Variants in OR7C1 observed in about 807,000 individuals in gnomAD.
The protein encoded by OR7C1 is olfactory receptor family 7 subfamily C member 1, also known as olfactory receptor 7C1.
For missense variants in OR7C1, 324 were observed against 383.3 expected, an observed-to-expected ratio of 0.85 and a Z score of 1.29; for synonymous variants, 152 against 160.7, an observed-to-expected ratio of 0.95 and a Z score of 0.41.
intron 1 of OR7C1, among the ~76,000 whole-genome samples, chr19:14,814,430 A>ATT (rs60783847): frequency 4.0e-5 from 6 of 150,112 alleles, no homozygotes; most frequent in African/African-American, 9.8e-5. Context: ...TTATTTATGT[A>ATT]TTTTTTTTTT....
exon 5 of OR7C1, chr19:14,799,023 C>T: frequency 1.1e-6 from 1 of 914,224 alleles, no homozygotes; most frequent in Non-Finnish European, 1.5e-6. Context: ...GACTCTGTGG[C>T]CCTCCCTATC....
At chr19:14,803,891 A>G (rs1321156948) in intron 2 of OR7C1, among the ~76,000 whole-genome samples, 1 of 151,876 alleles carries the variant, frequency 6.6e-6, no homozygotes, top group East Asian at 1.9e-4. Context: ...TTGTATTTTT[A>G]GTAGAGACGG....
At chr19:14,822,737 G>T (rs543093015) in intron 1 of OR7C1, among the ~76,000 whole-genome samples, 22 of 151,898 alleles carry the variant, frequency 1.4e-4, no homozygotes, top group Non-Finnish European at 3.1e-4. Flanking sequence ...TCTCATTGTG[G>T]TTATAATGTA....
At chr19:14,812,801 T>C (rs184810572) in intron 1 of OR7C1, among the ~76,000 whole-genome samples, 1 of 152,042 alleles carries the variant, frequency 6.6e-6, no homozygotes, top group East Asian at 1.9e-4. Context: ...TGGTGGCTCA[T>C]ACCTGTAATC....
At chr19:14,815,188 C>G (rs1319596836) in intron 1 of OR7C1, among the ~76,000 whole-genome samples, 1 of 152,194 alleles carries the variant, frequency 6.6e-6, no homozygotes, top group Admixed American at 6.5e-5. Flanking sequence ...GGGCAACTTT[C>G]TCCTGATAAG....
At chr19:14,812,830 G>A (rs756701771) in intron 1 of OR7C1, among the ~76,000 whole-genome samples, 6 of 151,994 alleles carry the variant, frequency 3.9e-5, no homozygotes, top group Non-Finnish European at 8.8e-5. Flanking sequence ...TTGGGAGGCC[G>A]AGGCGGGTGG....
intron 1 of OR7C1, among the ~76,000 whole-genome samples, chr19:14,822,944 T>C (rs2044748139): frequency 6.6e-6 from 1 of 152,150 alleles, no homozygotes. Context: ...TTGCAAATGT[T>C]TTCTCTCCTT....
chr19:14,815,106 C>T, intron 1 of OR7C1, among the ~76,000 whole-genome samples: 1 of 152,166 alleles, frequency 6.6e-6, no homozygotes, highest in Admixed American at 6.5e-5. Context: ...GCAGCTCCAC[C>T]AGATACTAAC....
intron 1 of OR7C1, among the ~76,000 whole-genome samples, 156 bp downstream of exon 1, chr19:14,834,918 C>T (rs2044870208): frequency 6.6e-6 from 1 of 152,218 alleles, no homozygotes; most frequent in South Asian, 2.1e-4. Context: ...TAAAACGAGA[C>T]ATTACTTAGT....
chr19:14,800,310 G>C (rs1296308265), exon 4 of OR7C1: 1 of 687,586 alleles, frequency 1.5e-6, no homozygotes, highest in African/African-American at 1.8e-5. Flanking sequence ...CCTTTTCTTT[G>C]CTACCATCGG....
chr19:14,814,719 C>T (rs1397082342), intron 1 of OR7C1, among the ~76,000 whole-genome samples: 1 of 152,194 alleles, frequency 6.6e-6, no homozygotes, highest in Non-Finnish European at 1.5e-5. Flanking sequence ...GCCACCATGC[C>T]TGGCCGGGAA....
At chr19:14,816,744 A>T (rs1236415466) in intron 1 of OR7C1, among the ~76,000 whole-genome samples, 1 of 152,192 alleles carries the variant, frequency 6.6e-6, no homozygotes, top group Non-Finnish European at 1.5e-5. Context: ...TCATATATAT[A>T]TCTATCCTAT....
intron 1 of OR7C1, among the ~76,000 whole-genome samples, chr19:14,830,249 C>A (rs1033292016): frequency 2.0e-5 from 3 of 152,186 alleles, no homozygotes; most frequent in African/African-American, 7.2e-5. Flanking sequence ...TCTGTATACA[C>A]ATGTAAACTT....
chr19:14,825,823 C>T (rs111857030), intron 1 of OR7C1: 12 of 152,576 alleles, frequency 7.9e-5, no homozygotes, highest in African/African-American at 2.9e-4. Flanking sequence ...CGTAGACTCC[C>T]TATGAGACAA....
intron 2 of OR7C1, among the ~76,000 whole-genome samples, 159 bp from the exon 3 acceptor site, chr19:14,800,923 G>T (rs1599911149): frequency 1.3e-5 from 2 of 152,194 alleles, no homozygotes. Flanking sequence ...TTCACCACCA[G>T]CCTGTCCTTT....
At chr19:14,831,181 AC>A (rs2044828557) in intron 1 of OR7C1, among the ~76,000 whole-genome samples, 1 of 152,164 alleles carries the variant, frequency 6.6e-6, no homozygotes, top group Non-Finnish European at 1.5e-5. Context: ...AACTAATGAT[AC>A]CTTTTTTGGC....
intron 1 of OR7C1, chr19:14,827,749 G>T: frequency 6.2e-7 from 1 of 1,614,090 alleles, no homozygotes; most frequent in Non-Finnish European, 8.5e-7. Flanking sequence ...AAGGACAGCC[G>T]TACTACCATT....
intron 2 of OR7C1, among the ~76,000 whole-genome samples, chr19:14,803,580 A>G (rs577140863): frequency 6.6e-6 from 1 of 151,970 alleles, no homozygotes; most frequent in Non-Finnish European, 1.5e-5. Context: ...TTGATTATCT[A>G]TATCTGCAGC....
At chr19:14,824,068 C>T (rs1408380489) in intron 1 of OR7C1, among the ~76,000 whole-genome samples, 3 of 152,084 alleles carry the variant, frequency 2.0e-5, no homozygotes, top group Non-Finnish European at 4.4e-5. Context: ...AACAAAGTCC[C>T]CAGATTTTCT....
Sources: allele counts gnomAD v4.1 joint callset (sites outside exome capture counted in the v4.1 genomes callset), GRCh38; gene constraint gnomAD v4.1.1; transcripts MANE v1.5; gene names NCBI Gene and HGNC (gene_info 2026-07-23, HGNC 2026-07-21).